Variants in GRID2 observed in about 807,000 individuals in gnomAD.
The protein encoded by GRID2 is glutamate ionotropic receptor delta type subunit 2, also known as glutamate receptor ionotropic, delta-2.
Under a neutral mutation model 114.8 loss-of-function variants are expected in GRID2, and 33 were observed. The ratio of observed to expected loss-of-function variants is 0.29; its 90% CI spans 0.22 to 0.38. The LOEUF (loss-of-function observed/expected upper bound fraction) is 0.38, where lower values mean the gene tolerates loss of function less well. Ranked by LOEUF, GRID2 falls within the 10% of genes least tolerant of loss-of-function variation. The probability of loss-of-function intolerance (pLI) is 1.00; values close to 1 mark genes in which losing one functional copy is unlikely to be tolerated. For synonymous variants in GRID2, 505 were observed against 449.9 expected (o/e 1.12, Z -1.55); for missense variants, 1,184 against 1,257.7 (o/e 0.94, Z 0.89).
Position 93,363,840 on chromosome 4 carries a change from A to AATAT in GRID2, c.1246-31764_1246-31761dup, listed in dbSNP as rs1310747497. Among the ~76,000 whole-genome samples the AATAT allele has an allele frequency of 9.9e-5, 15 of 151,134 alleles. No individual in the cohort carries two copies. The East Asian group carries it at 2.9e-3, about 29-fold the overall frequency. On this transcript the variant is annotated intron_variant, in intron 8 of 15. Coordinates refer to ENST00000282020, the MANE Select transcript of GRID2 (RefSeq NM_001510.4). Reference sequence around the variant, plus strand: ...TAAGAGAAAATATTAGTTAATAGAAAATATATGTATATATAGTCATCCAAA... The same window carrying AATAT: ...TAAGAGAAAATATTAGTTAATAGAAAATATATATATGTATATATAGTCATCCAAA...
intron 1 of GRID2, among the ~76,000 whole-genome samples, chr4:92,501,514 G>A (rs568177821): frequency 1.3e-5 from 2 of 152,258 alleles, no homozygotes; most frequent in East Asian, 3.9e-4. Context: ...TCTTCTCCAA[G>A]AGAAATGCTT....
At chr4:92,662,972 TAG>T (rs1183300710) in intron 2 of GRID2, among the ~76,000 whole-genome samples, 1 of 150,832 alleles carries the variant, frequency 6.6e-6, no homozygotes, top group African/African-American at 2.4e-5. Context: ...TTAAGTTTGC[TAG>T]AGAATGATAC....
chr4:92,884,912 A>C, intron 2 of GRID2: 1 of 370,370 alleles, frequency 2.7e-6, no homozygotes, highest in Non-Finnish European at 5.5e-6. Flanking sequence ...TGTAGATGAT[A>C]AGCTGGTGAC....
At chr4:93,277,080 T>A (rs1003874759) in intron 8 of GRID2, among the ~76,000 whole-genome samples, 146 of 152,010 alleles carry the variant, frequency 9.6e-4, no homozygotes, top group Non-Finnish European at 1.6e-3. Flanking sequence ...CATGTAGTGT[T>A]ACAGGTCCCA....
chr4:93,244,572 T>A (rs1238063546), intron 8 of GRID2, among the ~76,000 whole-genome samples: 3 of 42,490 alleles, frequency 7.1e-5, no homozygotes, highest in Non-Finnish European at 9.1e-5. Flanking sequence ...TATTATATAT[T>A]AATTAATAGA....
Position 92,460,518 on chromosome 4 carries a change from C to G in GRID2, c.89-129613C>G, listed in dbSNP as rs116671946. On this transcript the variant is annotated intron_variant, in intron 1 of 15. Transcript: ENST00000282020. ...CATCTGTAATGGAAGGGAACTGACTCTTACAATTGTTATTTCTGATACTGA... is the reference window on the plus strand; with the variant it reads ...CATCTGTAATGGAAGGGAACTGACTGTTACAATTGTTATTTCTGATACTGA... Among the ~76,000 whole-genome samples, 435 of 152,252 alleles carry G rather than the reference C, an allele frequency of 2.9e-3. 1 individual carries two copies. The highest frequency in any genetic ancestry group is 9.5e-3 in the African/African-American group (394 of 41,562).
At chr4:93,340,536 G>T (rs569651104) in intron 8 of GRID2, among the ~76,000 whole-genome samples, 1 of 152,088 alleles carries the variant, frequency 6.6e-6, no homozygotes, top group Admixed American at 6.6e-5. Flanking sequence ...TTGTGTAAGT[G>T]TATTCTGGTT....
intron 2 of GRID2, among the ~76,000 whole-genome samples, chr4:93,081,700 G>T (rs1184444372): frequency 6.6e-6 from 1 of 152,006 alleles, no homozygotes; most frequent in Non-Finnish European, 1.5e-5. Flanking sequence ...TAATAATAAA[G>T]AACTATGCCA....
chr4:92,595,928 C>T (rs1352962291), intron 2 of GRID2, among the ~76,000 whole-genome samples: 1 of 152,072 alleles, frequency 6.6e-6, no homozygotes, highest in African/African-American at 2.4e-5. Context: ...TTATTTGACA[C>T]TTCTTTCCAG....
At chr4:93,648,631 A>C (rs1722321336) in intron 14 of GRID2, among the ~76,000 whole-genome samples, 1 of 152,194 alleles carries the variant, frequency 6.6e-6, no homozygotes, top group Non-Finnish European at 1.5e-5. Flanking sequence ...GGATCACCTG[A>C]ACGGTCTGTT....
intron 2 of GRID2, among the ~76,000 whole-genome samples, chr4:93,042,651 C>T (rs1725684884): frequency 7.0e-6 from 1 of 142,384 alleles, no homozygotes. Context: ...ATTTCTATCT[C>T]TATATTTCTA....
intron 8 of GRID2, among the ~76,000 whole-genome samples, chr4:93,348,910 G>A (rs960951264): frequency 3.3e-5 from 5 of 152,132 alleles, no homozygotes; most frequent in African/African-American, 1.2e-4. Context: ...GCACAGAATG[G>A]ACAATAATGG....
chr4:92,510,436 G>C (rs551833741), intron 1 of GRID2, among the ~76,000 whole-genome samples: 4 of 151,956 alleles, frequency 2.6e-5, no homozygotes, highest in African/African-American at 9.6e-5. Context: ...GCTAAGAAGT[G>C]TCCAGGCTAG....
intron 8 of GRID2, among the ~76,000 whole-genome samples, chr4:93,253,318 A>G (rs1749195961): frequency 6.6e-6 from 1 of 152,134 alleles, no homozygotes; most frequent in Non-Finnish European, 1.5e-5. Flanking sequence ...TTAATTTATG[A>G]AATGTGTCTT....
chr4:92,566,335 G>A (rs563120734), intron 1 of GRID2, among the ~76,000 whole-genome samples: 37 of 151,842 alleles, frequency 2.4e-4, no homozygotes, highest in African/African-American at 8.4e-4. Context: ...ATTCTGCATA[G>A]CACGTAACTA....
chr4:92,411,285 T>G (rs539955748), intron 1 of GRID2, among the ~76,000 whole-genome samples: 2 of 152,278 alleles, frequency 1.3e-5, no homozygotes, highest in South Asian at 2.1e-4. Flanking sequence ...AGAATTTTTA[T>G]GTGGAAATAT....
At chr4:92,971,580 T>C (rs933230760) in intron 2 of GRID2, among the ~76,000 whole-genome samples, 3 of 152,120 alleles carry the variant, frequency 2.0e-5, no homozygotes, top group Admixed American at 1.3e-4. Context: ...TTCAAAAATA[T>C]ACACTAAATT....
At chr4:92,691,652 CA>C (rs1402798616) in intron 2 of GRID2, among the ~76,000 whole-genome samples, 22 of 152,294 alleles carry the variant, frequency 1.4e-4, no homozygotes, top group African/African-American at 5.3e-4. Flanking sequence ...GGCTGGGGCC[CA>C]AAATCTTACT....
intron 1 of GRID2, among the ~76,000 whole-genome samples, chr4:92,474,762 G>C (rs1253001755): frequency 6.6e-6 from 1 of 151,910 alleles, no homozygotes; most frequent in Non-Finnish European, 1.5e-5. Flanking sequence ...TAGTGATGTT[G>C]AGCATTTTGT....
Sources: allele counts gnomAD v4.1 joint callset (sites outside exome capture counted in the v4.1 genomes callset), GRCh38; gene constraint gnomAD v4.1.1; transcripts MANE v1.5; gene names NCBI Gene and HGNC (gene_info 2026-07-23, HGNC 2026-07-21).